ITPR2: variants seen among roughly 807,000 people sequenced by gnomAD.
The protein encoded by ITPR2 is inositol 1,4,5-trisphosphate-gated calcium channel ITPR2.
In ITPR2, 207 loss-of-function variants were observed where a neutral mutation model predicts 317.1. That is an observed-to-expected ratio of 0.65 (90% confidence interval 0.58 to 0.73). The LOEUF is 0.73. ITPR2 is among the 30% of genes least tolerant of loss of function. The pLI, the probability that ITPR2 is intolerant of heterozygous loss-of-function variation, is 0.00. For missense variants in ITPR2, 2,613 were observed against 3,284.0 expected, an observed-to-expected ratio of 0.80 and a Z score of 4.99; for synonymous variants, 1,156 against 1,149.1, an observed-to-expected ratio of 1.01 and a Z score of -0.12.
chr12:26,653,507 T>C (rs1947305600), intron 21 of ITPR2, among the ~76,000 whole-genome samples: 1 of 152,206 alleles, frequency 6.6e-6, no homozygotes, highest in Non-Finnish European at 1.5e-5. Context: ...CCCAAAGTGC[T>C]AGGATTACAG....
chr12:26,407,660 A>G (rs1940396867), intron 52 of ITPR2, among the ~76,000 whole-genome samples: 1 of 152,248 alleles, frequency 6.6e-6, no homozygotes, highest in East Asian at 1.9e-4. Context: ...GAAATAATTT[A>G]TAGTGATCTT....
At chr12:26,767,355 T>TA (rs1949739741) in intron 2 of ITPR2, among the ~76,000 whole-genome samples, 1 of 152,118 alleles carries the variant, frequency 6.6e-6, no homozygotes, top group Non-Finnish European at 1.5e-5. Context: ...AGCAAATAAA[T>TA]AAAGTTCTGA....
At chr12:26,643,376 T>G (rs1947036610) in intron 21 of ITPR2, among the ~76,000 whole-genome samples, 1 of 152,126 alleles carries the variant, frequency 6.6e-6, no homozygotes, top group South Asian at 2.1e-4. Context: ...TGAAACTGGG[T>G]AGTGGGTAGA....
chr12:26,441,222 C>T (rs1384651512), intron 46 of ITPR2, among the ~76,000 whole-genome samples: 2 of 152,106 alleles, frequency 1.3e-5, no homozygotes, highest in African/African-American at 2.4e-5. Context: ...AGAACTCTAT[C>T]GCAGGAAGAA....
chr12:26,397,929 C>T (rs752578351), intron 54 of ITPR2, among the ~76,000 whole-genome samples: 1 of 151,750 alleles, frequency 6.6e-6, no homozygotes, highest in Non-Finnish European at 1.5e-5. Flanking sequence ...ACAAAGACAA[C>T]TGAAGCCAGA....
rs1565616699 is a variant in ITPR2 at position 26,578,832 on chromosome 12, G to A, written c.4511C>T (p.Thr1504Ile). The part of the protein sequence containing the change: ...PFSDNSTSLQ[T>I]HQPVFIQLLQ... ...TAGCTGAATAAAAACTGGCTGATGT[G>A]TCTAAAACCAGAAAGAAGGTAGGCA... Residue 1504 changes from threonine (T) to isoleucine (I), a missense_variant and splice_region_variant, in exon 34 of 57, where the codon ACA (threonine) becomes ATA (isoleucine). This residue lies in a region of ITPR2 where 926 missense variants were observed against 1,072.8 expected (regional missense o/e 0.86). Transcript: ENST00000381340. 3 of 1,603,590 alleles carry A rather than the reference G, an allele frequency of 1.9e-6. No individual in the cohort carries two copies. The South Asian group carries it at 3.3e-5, about 18-fold the overall frequency.
chr12:26,398,471 A>G (rs1940075072), intron 54 of ITPR2, among the ~76,000 whole-genome samples: 1 of 152,194 alleles, frequency 6.6e-6, no homozygotes, highest in African/African-American at 2.4e-5. Context: ...AGAATCCAAA[A>G]CATAGTGATG....
chr12:26,339,531 C>T (rs2136537179), intron 56 of ITPR2, 48 bp from the exon 57 acceptor site: 1 of 1,499,176 alleles, frequency 6.7e-7, no homozygotes, highest in Non-Finnish European at 9.3e-7. Flanking sequence ...CTCACTCTTA[C>T]CCAGTGCTGG....
rs1945371018 is a variant in ITPR2, at chr12:26,580,254, T to C, written c.4381-99A>G. ...AAAATTGTCCTGAAATAGTTGTCAG[T>C]AACATTTCTTCTGCTTTTTAAAGTT... On this transcript the variant is annotated intron_variant, in intron 32 of 56. Coordinates refer to ENST00000381340, the MANE Select transcript of ITPR2 (RefSeq NM_002223.4). The C allele has an allele frequency of 4.8e-6, 5 of 1,045,980 alleles. No homozygotes were observed. In the Admixed American group the frequency reaches 1.1e-4, roughly 24 times the overall value. 64.8% of individuals were successfully genotyped at this position (1,045,980 alleles called of 1,614,324 possible).
At chr12:26,425,540 C>T (rs1049088441) in intron 49 of ITPR2, among the ~76,000 whole-genome samples, 4 of 151,866 alleles carry the variant, frequency 2.6e-5, no homozygotes, top group Non-Finnish European at 2.9e-5. Flanking sequence ...TGGTGGCACG[C>T]GCCCATAGCC....
chr12:26,794,790 A>G (rs978266305), intron 1 of ITPR2, among the ~76,000 whole-genome samples: 2 of 152,234 alleles, frequency 1.3e-5, no homozygotes, highest in Admixed American at 6.5e-5. Context: ...GAGAGATCAA[A>G]TGATATGGTG....
At chr12:26,680,902 A>G (rs1186862114) in intron 13 of ITPR2, among the ~76,000 whole-genome samples, 1 of 152,116 alleles carries the variant, frequency 6.6e-6, no homozygotes, top group East Asian at 1.9e-4. Flanking sequence ...TGGGAGTGGA[A>G]TTGGTGAGTC....
chr12:26,377,555 T>G (rs1939381462), intron 55 of ITPR2, among the ~76,000 whole-genome samples: 1 of 152,254 alleles, frequency 6.6e-6, no homozygotes, highest in Admixed American at 6.5e-5. Context: ...AAAGGATGTC[T>G]TTTGGCTTTT....
intron 37 of ITPR2, among the ~76,000 whole-genome samples, chr12:26,507,849 TTCTCTCTCTG>T (rs762215571): frequency 9.2e-4 from 106 of 115,460 alleles, no homozygotes; most frequent in South Asian, 2.1e-3. Context: ...CTCTCTACTC[TTCTCTCTCTG>T]TCTCTGTGTG....
rs1942900761 is a variant in ITPR2 at position 26,495,025 on chromosome 12, A to G, written c.5182+127T>C. 2.4e-5 allele frequency: 16 copies of G among 661,062 alleles called. No homozygotes were observed. The Middle Eastern group carries it at 2.4e-3, about 99-fold the overall frequency. The allele number at this position is 661,062 out of a possible 1,614,324, so 40.9% of individuals were successfully genotyped here. On this transcript the variant is annotated intron_variant, in intron 38 of 56. Transcript: ENST00000381340. ...TTTTATGAGCCCCAAATTGTATGAA[A>G]GTTTTTAACAGTGATTTTTAAATGA...
chr12:26,379,178 G>A (rs941850614), intron 55 of ITPR2, among the ~76,000 whole-genome samples: 3 of 152,182 alleles, frequency 2.0e-5, no homozygotes, highest in Non-Finnish European at 2.9e-5. Flanking sequence ...CAATCCTCTC[G>A]GAGCCTCAGT....
intron 45 of ITPR2, among the ~76,000 whole-genome samples, chr12:26,464,170 C>T (rs1301459670): frequency 1.3e-5 from 2 of 152,006 alleles, no homozygotes; most frequent in Non-Finnish European, 2.9e-5. Flanking sequence ...TGGACTGGGG[C>T]GTGGGGGGGA....
chr12:26,772,976 C>T (rs1383753947), intron 2 of ITPR2, among the ~76,000 whole-genome samples: 1 of 152,004 alleles, frequency 6.6e-6, no homozygotes. Flanking sequence ...CATTGTTCAA[C>T]TCCCACTTAT....
At chr12:26,599,437 T>C in intron 29 of ITPR2, 92 bp from the exon 30 acceptor site, 1 of 1,113,082 alleles carries the variant, frequency 9.0e-7, no homozygotes, top group Admixed American at 1.9e-5. Context: ...GTGATCAGTT[T>C]TATATTTTAT....
Sources: allele counts gnomAD v4.1 joint callset (sites outside exome capture counted in the v4.1 genomes callset), GRCh38; gene constraint gnomAD v4.1.1; regional missense constraint gnomAD v4.1.1; transcripts MANE v1.5; gene names NCBI Gene and HGNC (gene_info 2026-07-23, HGNC 2026-07-21).